Variants in DPYSL5 observed in about 807,000 individuals in gnomAD.
The protein encoded by DPYSL5 is dihydropyrimidinase like 5, also known as dihydropyrimidinase-related protein 5.
In DPYSL5, 9 loss-of-function variants were observed where a neutral mutation model predicts 58.4. That is an observed-to-expected ratio of 0.15 (90% CI 0.09 to 0.27). The LOEUF is 0.27. DPYSL5 is among the 10% of genes least tolerant of loss of function. The pLI, the probability that DPYSL5 is intolerant of heterozygous loss-of-function variation, is 1.00. For missense variants in DPYSL5, 499 were observed against 770.6 expected, an observed-to-expected ratio of 0.65 and a Z score of 4.17; for synonymous variants, 293 against 301.9, an observed-to-expected ratio of 0.97 and a Z score of 0.31.
chr2:26,870,125 CA>C (rs1663224886), intron 1 of DPYSL5, among the ~76,000 whole-genome samples: 1 of 152,142 alleles, frequency 6.6e-6, no homozygotes, highest in Non-Finnish European at 1.5e-5. Flanking sequence ...TAATAGAGGT[CA>C]GGGGAGGCAT....
chr2:26,858,506 C>G (rs909619526), intron 1 of DPYSL5, among the ~76,000 whole-genome samples: 1 of 152,032 alleles, frequency 6.6e-6, no homozygotes, highest in Non-Finnish European at 1.5e-5. Context: ...CGACTTACTG[C>G]TTAAACTCTG....
At chr2:26,869,874 G>A (rs1396662626) in intron 1 of DPYSL5, among the ~76,000 whole-genome samples, 2 of 152,152 alleles carry the variant, frequency 1.3e-5, no homozygotes, top group Non-Finnish European at 2.9e-5. Flanking sequence ...AGCCGGGCGT[G>A]GTCACAGGCG....
chr2:26,849,413 C>T lies in DPYSL5; in HGVS notation c.-5+1159C>T, dbSNP rs55918144. Among the ~76,000 whole-genome samples, 1,361 of 152,074 alleles carry T rather than the reference C, an allele frequency of 8.9e-3. 15 individuals carry two copies. The highest frequency in any genetic ancestry group is 0.013 in the Non-Finnish European group (887 of 67,956). On this transcript the variant is annotated intron_variant, in intron 1 of 12. Transcript: ENST00000288699. The surrounding 1 kb of genome is among the most constrained non-coding windows in gnomAD (Gnocchi z 6.2). ...ATCCTCAGCTCCAGGCGCGGGGCCC[C>T]GCGGCCCAGGTGGCCGGCTGGGCGT... is the stretch of plus-strand genomic sequence containing the variant.
intron 1 of DPYSL5, among the ~76,000 whole-genome samples, chr2:26,853,042 G>T (rs528196538): frequency 6.6e-6 from 1 of 152,128 alleles, no homozygotes; most frequent in Admixed American, 6.5e-5. Context: ...GAATGATTAG[G>T]ACTCCTTTCT....
intron 1 of DPYSL5, among the ~76,000 whole-genome samples, chr2:26,883,492 G>A (rs1433054035): frequency 1.3e-5 from 2 of 152,110 alleles, no homozygotes; most frequent in African/African-American, 4.8e-5. Flanking sequence ...TCCGATCCCC[G>A]GGTTCAAGCA....
Position 26,937,177 on chromosome 2 carries a change from A to G in DPYSL5, c.947+2443A>G, listed in dbSNP as rs1665201521. Among the ~76,000 whole-genome samples, 3 of 152,070 alleles carry G rather than the reference A, an allele frequency of 2.0e-5. No homozygotes were observed. The South Asian group carries it at 6.2e-4, about 32-fold the overall frequency. ...ACAGCGCCCAAACCCACACAAATTC[A>G]AATAGACTGGAATAAGTATCATTGA... On this transcript the variant is annotated intron_variant, in intron 8 of 12. Transcript: ENST00000288699.
chr2:26,928,653 G>A (rs1012521115), intron 5 of DPYSL5, among the ~76,000 whole-genome samples: 3 of 144,462 alleles, frequency 2.1e-5, no homozygotes, highest in Non-Finnish European at 4.5e-5. Flanking sequence ...AGTGAGCCGT[G>A]ATGATGCCAC....
At chr2:26,858,498 A>G (rs1291716456) in intron 1 of DPYSL5, among the ~76,000 whole-genome samples, 1 of 151,970 alleles carries the variant, frequency 6.6e-6, no homozygotes, top group African/African-American at 2.4e-5. Flanking sequence ...TAAAACCTCG[A>G]CTTACTGCTT....
rs527810071 is a variant in DPYSL5, at chr2:26,905,468, G to A, written c.261+6708G>A. Among the ~76,000 whole-genome samples, 97 of 152,304 alleles carry A rather than the reference G, an allele frequency of 6.4e-4. No individual in the cohort carries two copies. The highest frequency in any genetic ancestry group is 2.3e-3 in the African/African-American group (96 of 41,554). On this transcript the variant is annotated intron_variant, in intron 2 of 12. Coordinates refer to ENST00000288699, the MANE Select transcript of DPYSL5 (RefSeq NM_020134.4). This position sits in a 1 kb window ranked among gnomAD's most constrained non-coding sequence, Gnocchi z 4.0. ...ATGAAATTGCTCCACTGTGCACCGAGTGCCCATGCTACCTGTGTCCCTGGG... is the reference window on the plus strand; with the variant it reads ...ATGAAATTGCTCCACTGTGCACCGAATGCCCATGCTACCTGTGTCCCTGGG...
chr2:26,856,716 A>T lies in DPYSL5; in HGVS notation c.-5+8462A>T, dbSNP rs530372652. 4.1e-4 allele frequency among the ~76,000 whole-genome samples: 39 copies of T among 95,416 alleles called. No homozygotes were observed. In the South Asian group the frequency reaches 5.5e-3, roughly 13 times the overall value. The allele number at this position is 95,416 out of a possible 152,430, so 62.6% of individuals were successfully genotyped here. A position where few individuals can be genotyped will look rare whatever the true frequency, so the allele number is the denominator to read the frequency against. ...AAATGCTAAGATTAATGGAGAAATT[A>T]AAAAAAAAATCCTCTGAAGTATACA... On this transcript the variant is annotated intron_variant, in intron 1 of 12. Coordinates refer to ENST00000288699, the MANE Select transcript of DPYSL5 (RefSeq NM_020134.4).
intron 2 of DPYSL5, among the ~76,000 whole-genome samples, chr2:26,904,366 C>T (rs1664238703): frequency 6.6e-6 from 1 of 152,200 alleles, no homozygotes; most frequent in Non-Finnish European, 1.5e-5. Context: ...ATAAATGTGG[C>T]TCACTTCCTT....
intron 5 of DPYSL5, among the ~76,000 whole-genome samples, chr2:26,928,687 GTATA>G (rs66756785): frequency 0.15 from 8,905 of 60,728 alleles, 1,360 homozygotes; most frequent in East Asian, 0.42. Context: ...AGGTGATAGA[GTATA>G]TATATATATA....
Position 26,898,610 on chromosome 2 carries a change from G to T in DPYSL5, c.111G>T (p.Gln37His), listed in dbSNP as rs772966850. ...ACATCGAGAATGGCATCATCCAGCA[G>T]GTGGGCCGCGAGCTCATGATCCCTG... ...DVYIENGIIQ[Q>H]VGRELMIPGG... Residue 37 changes from glutamine to histidine, a missense_variant, in exon 2 of 13, where the codon CAG becomes CAT. This residue lies in a region of DPYSL5 where 404 missense variants were observed against 647.6 expected (regional missense o/e 0.62). Transcript: ENST00000288699. This position sits in a 1 kb window ranked among gnomAD's most constrained non-coding sequence, Gnocchi z 6.1. The T allele has an allele frequency of 9.9e-6, 16 of 1,614,096 alleles. No homozygotes were observed. Among genetic ancestry groups the T allele is most frequent in the Non-Finnish European group, 1.3e-5 (15 of 1,180,046 alleles).
intron 1 of DPYSL5, among the ~76,000 whole-genome samples, chr2:26,894,089 T>C (rs913188927): frequency 5.3e-4 from 79 of 149,648 alleles, no homozygotes; most frequent in African/African-American, 1.8e-3. Context: ...TTATAATTCA[T>C]ATTATAAATA....
intron 2 of DPYSL5, among the ~76,000 whole-genome samples, chr2:26,918,643 T>C (rs1664634207): frequency 6.6e-6 from 1 of 152,198 alleles, no homozygotes. Flanking sequence ...GCACTGTGCT[T>C]ACCAGTTTAC....
rs1353890863 is a variant in DPYSL5, at chr2:26,877,746, T to A, written c.-4-20750T>A. On this transcript the variant is annotated intron_variant, in intron 1 of 12. Coordinates refer to ENST00000288699, the MANE Select transcript of DPYSL5 (RefSeq NM_020134.4). The surrounding 1 kb of genome is among the most constrained non-coding windows in gnomAD (Gnocchi z 4.1). The stretch of plus-strand genomic sequence containing the variant: ...TGCAGTTAATAGTTTCATATATATA[T>A]GAAATCTCACTCATATAAATACACA... Among the ~76,000 whole-genome samples, 1 of 152,244 alleles carries A rather than the reference T, an allele frequency of 6.6e-6. No individual in the cohort carries two copies. Among genetic ancestry groups the A allele is most frequent in the African/African-American group, 2.4e-5 (1 of 41,464 alleles).
chr2:26,885,011 C>A (rs1480863514), intron 1 of DPYSL5, among the ~76,000 whole-genome samples: 1 of 152,140 alleles, frequency 6.6e-6, no homozygotes, highest in Non-Finnish European at 1.5e-5. Context: ...ACCAGCCTGA[C>A]CCACATGGTG....
chr2:26,917,168 A>C (rs1664585215), intron 2 of DPYSL5, among the ~76,000 whole-genome samples: 1 of 152,218 alleles, frequency 6.6e-6, no homozygotes, highest in Non-Finnish European at 1.5e-5. Flanking sequence ...GCTGGAATTT[A>C]AACGTAGATC....
Position 26,942,815 on chromosome 2 carries a change from T to C in DPYSL5, c.1440+65T>C. The C allele has an allele frequency of 6.4e-7, 1 of 1,558,718 alleles. No individual in the cohort carries two copies. The highest frequency in any genetic ancestry group is 8.8e-7 in the Non-Finnish European group (1 of 1,136,474). ...CCTGCCGGGGAACATCCTCCATGAC[T>C]GTTTTAAATCTCAAAGAGATGTTCA... On this transcript the variant is annotated intron_variant, in intron 11 of 12. Transcript: ENST00000288699. The surrounding 1 kb of genome is among the most constrained non-coding windows in gnomAD (Gnocchi z 5.9).
Sources: gnomAD v4.1 joint callset for allele counts (sites outside exome capture counted in the v4.1 genomes callset) on GRCh38, gnomAD v4.1.1 for gene constraint, gnomAD v4.1.1 regional missense constraint, Gnocchi (gnomAD v3.1) non-coding constraint, MANE v1.5 for transcripts, NCBI Gene and HGNC (gene_info 2026-07-23, HGNC 2026-07-21) for gene names.